Variants in NPNT observed in about 807,000 individuals in gnomAD.
NPNT encodes the protein nephronectin, also known as preosteoblast EGF-like repeat protein with MAM domain.
NPNT carries 45 observed loss-of-function variants against 68.6 expected under a neutral mutation model. That is an observed-to-expected ratio of 0.66 (90% CI 0.52 to 0.84). NPNT has a LOEUF of 0.84. Ranked by LOEUF, NPNT falls within the 40% of genes least tolerant of loss-of-function variation. The pLI, the probability that NPNT is intolerant of heterozygous loss-of-function variation, is 0.00. For synonymous variants in NPNT, 233 were observed against 253.3 expected, an observed-to-expected ratio of 0.92 and a Z score of 0.76; for missense variants, 672 against 714.8, an observed-to-expected ratio of 0.94 and a Z score of 0.68.
chr4:105,968,531 A>G (rs1276356720), intron 11 of NPNT, among the ~76,000 whole-genome samples: 10 of 152,218 alleles, frequency 6.6e-5, no homozygotes, highest in Admixed American at 3.9e-4. Flanking sequence ...TGTGATTATG[A>G]TCTTTCAGAT....
intron 2 of NPNT, among the ~76,000 whole-genome samples, chr4:105,904,991 C>A (rs1726765700): frequency 6.6e-6 from 1 of 152,086 alleles, no homozygotes; most frequent in Non-Finnish European, 1.5e-5. Flanking sequence ...CCACCTTGGT[C>A]TCCCAAAGTG....
chr4:105,905,343 C>G (rs995881075), intron 2 of NPNT, among the ~76,000 whole-genome samples: 2 of 152,152 alleles, frequency 1.3e-5, no homozygotes, highest in African/African-American at 4.8e-5. Context: ...TTAAAAGACA[C>G]ATACTAAGAG....
chr4:105,899,333 A>C (rs1726212452), intron 2 of NPNT, among the ~76,000 whole-genome samples: 1 of 152,200 alleles, frequency 6.6e-6, no homozygotes, highest in African/African-American at 2.4e-5. Context: ...ACACACCTAC[A>C]CATAACCCTC....
At chr4:105,928,040 T>C (rs1237522690) in intron 3 of NPNT, among the ~76,000 whole-genome samples, 2 of 152,162 alleles carry the variant, frequency 1.3e-5, no homozygotes, top group Non-Finnish European at 2.9e-5. Flanking sequence ...ACAACAACAT[T>C]AGGAAGTAGA....
At chr4:105,931,668 CAAAAAAAAAAAA>C (rs59960189) in intron 3 of NPNT, among the ~76,000 whole-genome samples, 1 of 99,944 alleles carries the variant, frequency 1.0e-5, no homozygotes, top group Non-Finnish European at 2.0e-5. Flanking sequence ...ACTAAAAATA[CAAAAAAAAAAAA>C]AAAAAAAAAA....
chr4:105,936,913 T>C, intron 3 of NPNT, 96 bp from the exon 4 acceptor site: 5 of 1,225,898 alleles, frequency 4.1e-6, no homozygotes, highest in Non-Finnish European at 5.6e-6. Flanking sequence ...TGACCTATTT[T>C]TCTCTTTCAT....
At chr4:105,963,181 C>T (rs776505921) in intron 10 of NPNT, among the ~76,000 whole-genome samples, 3 of 152,036 alleles carry the variant, frequency 2.0e-5, no homozygotes, top group Non-Finnish European at 2.9e-5. Context: ...GCCGAGATCA[C>T]GCCACTGTAC....
intron 3 of NPNT, among the ~76,000 whole-genome samples, chr4:105,928,689 AATAG>A (rs1465702110): frequency 1.3e-5 from 2 of 152,022 alleles, no homozygotes; most frequent in African/African-American, 4.8e-5. Context: ...GATTTCACTA[AATAG>A]ATAAGTGTCA....
At chr4:105,960,658 A>G (rs1211074029) in intron 10 of NPNT, among the ~76,000 whole-genome samples, 9 of 152,204 alleles carry the variant, frequency 5.9e-5, no homozygotes, top group African/African-American at 2.2e-4. Context: ...ACTCTCAGTC[A>G]TTCTTGCATT....
intron 2 of NPNT, among the ~76,000 whole-genome samples, chr4:105,916,000 T>C (rs563356862): frequency 2.0e-5 from 3 of 152,306 alleles, no homozygotes; most frequent in Admixed American, 2.0e-4. Context: ...TTGTAAGTTC[T>C]TGAAAAAAAA....
chr4:105,916,848 G>T (rs1165750399), intron 2 of NPNT, among the ~76,000 whole-genome samples: 1 of 152,050 alleles, frequency 6.6e-6, no homozygotes, highest in Non-Finnish European at 1.5e-5. Context: ...ACTTTTGAAG[G>T]TGTAAGAGCT....
rs1379891693 is a variant in NPNT, at chr4:105,919,415, A to G, written c.173-7921A>G. ...TCATTTCACACTTAAAAAATTTAGT[A>G]TTGATATAATAATGCTATGTAATAA... On this transcript the variant is annotated intron_variant, in intron 2 of 11. Coordinates refer to ENST00000379987, the MANE Select transcript of NPNT (RefSeq NM_001033047.3). 2.0e-5 allele frequency among the ~76,000 whole-genome samples: 3 copies of G among 152,126 alleles called. No individual in the cohort carries two copies. In the East Asian group the frequency reaches 5.8e-4, roughly 29 times the overall value.
At chr4:105,912,566 C>T in intron 2 of NPNT, 3 of 992,278 alleles carry the variant, frequency 3.0e-6, no homozygotes, top group South Asian at 8.1e-5. Context: ...AAACAAAGTC[C>T]ACCAAATGAA....
rs1728242199 is a variant in NPNT, at chr4:105,921,269, CT to C, written c.173-6064del. Among the ~76,000 whole-genome samples, 4 of 152,250 alleles carry C rather than the reference CT, an allele frequency of 2.6e-5. No individual in the cohort carries two copies. In the South Asian group the frequency reaches 8.3e-4, roughly 32 times the overall value. On this transcript the variant is annotated intron_variant, in intron 2 of 11. Coordinates refer to ENST00000379987, the MANE Select transcript of NPNT (RefSeq NM_001033047.3). Reference sequence around the variant, plus strand: ...TCCAAATGCACTCAAAAATGCTGGACTTTCTGGTCTTTTTCTGACCACCAGA... The same window carrying C: ...TCCAAATGCACTCAAAAATGCTGGACTTCTGGTCTTTTTCTGACCACCAGA...
chr4:105,900,261 A>G (rs764603550), intron 2 of NPNT, among the ~76,000 whole-genome samples: 1 of 152,214 alleles, frequency 6.6e-6, no homozygotes, highest in Non-Finnish European at 1.5e-5. Context: ...TCAAAACAGC[A>G]TAGCAAAACA....
At chr4:105,896,397 A>G (rs1395026144) in intron 1 of NPNT, among the ~76,000 whole-genome samples, 3 of 151,914 alleles carry the variant, frequency 2.0e-5, no homozygotes, top group African/African-American at 4.8e-5. Flanking sequence ...ACAGGTTCCA[A>G]CAACCTCGGG....
At chr4:105,936,513 A>G (rs1215806477) in intron 3 of NPNT, among the ~76,000 whole-genome samples, 1 of 152,236 alleles carries the variant, frequency 6.6e-6, no homozygotes, top group Non-Finnish European at 1.5e-5. Context: ...AAATATTCTC[A>G]AAGTCCAAGC....
chr4:105,938,239 G>A, intron 4 of NPNT, 62 bp from the exon 5 acceptor site: 1 of 1,561,966 alleles, frequency 6.4e-7, no homozygotes, highest in Non-Finnish European at 8.7e-7. Flanking sequence ...AAAAAACATA[G>A]CTATTTCCAT....
At chr4:105,937,453 TAAAA>T (rs750526355) in intron 4 of NPNT, among the ~76,000 whole-genome samples, 5 of 120,880 alleles carry the variant, frequency 4.1e-5, no homozygotes, top group Admixed American at 8.5e-5. Context: ...GATTCCAGGC[TAAAA>T]AAAAAAAAAA....
Sources: allele counts gnomAD v4.1 joint callset (sites outside exome capture counted in the v4.1 genomes callset), GRCh38; gene constraint gnomAD v4.1.1; transcripts MANE v1.5; gene names NCBI Gene and HGNC (gene_info 2026-07-23, HGNC 2026-07-21).